COL19A1: variants seen among roughly 807,000 people sequenced by gnomAD.
COL19A1 encodes the protein collagen alpha-1(XIX) chain.
Under a neutral mutation model 190.2 loss-of-function variants are expected in COL19A1, and 159 were observed. The ratio of observed to expected loss-of-function variants is 0.84; its 90% CI spans 0.73 to 0.95. The LOEUF (loss-of-function observed/expected upper bound fraction) is 0.95. Among genes scored for constraint, COL19A1 ranks in the 40% least tolerant of loss-of-function variants. The probability of loss-of-function intolerance (pLI) is 0.00; values close to 1 mark genes in which losing one functional copy is unlikely to be tolerated. For synonymous variants in COL19A1, 509 were observed against 458.9 expected (o/e 1.11, Z -1.39); for missense variants, 1,418 against 1,431.9 (o/e 0.99, Z 0.16).
chr6:70,146,822 G>A lies in COL19A1; in HGVS notation c.1826G>A (p.Gly609Glu). The A allele has an allele frequency of 6.3e-7, 1 of 1,597,442 alleles. No individual in the cohort carries two copies. The highest frequency in any genetic ancestry group is 8.5e-7 in the Non-Finnish European group (1 of 1,173,330). The change falls in exon 27 of 51, where the codon GGA becomes GAA. Residue 609 changes from glycine to glutamate, a missense_variant. By Grantham distance (98) the Gly-to-Glu change is moderately conservative. Coordinates refer to ENST00000620364, the MANE Select transcript of COL19A1 (RefSeq NM_001858.6). ...CCTTTCATTTCACAGGGTGAAAGAG[G>A]ACTTCCAGGTGTTCACGGTTCCCCA... is the stretch of plus-strand genomic sequence containing the variant. ...PGPRGPKGER[G>E]LPGVHGSPGD...
chr6:70,080,353 G>A (rs1296813664), intron 15 of COL19A1, among the ~76,000 whole-genome samples: 11 of 152,154 alleles, frequency 7.2e-5, no homozygotes, highest in Non-Finnish European at 1.5e-4. Flanking sequence ...CAGGCCTTGG[G>A]ATAAGAAAAA....
chr6:69,935,803 T>C (rs80263635), intron 7 of COL19A1, among the ~76,000 whole-genome samples: 2 of 152,190 alleles, frequency 1.3e-5, no homozygotes, highest in Non-Finnish European at 2.9e-5. Flanking sequence ...TGTGCCATGA[T>C]GGTTTCCTGC....
At chr6:69,922,160 A>G (rs1216412998) in intron 4 of COL19A1, among the ~76,000 whole-genome samples, 1 of 152,008 alleles carries the variant, frequency 6.6e-6, no homozygotes, top group Non-Finnish European at 1.5e-5. Context: ...TTTTATTTTT[A>G]AAATGCAGAA....
chr6:70,190,583 C>G (rs1181240892), intron 48 of COL19A1, among the ~76,000 whole-genome samples: 3 of 152,204 alleles, frequency 2.0e-5, no homozygotes, highest in African/African-American at 7.2e-5. Flanking sequence ...AACTTCCTTT[C>G]ATTATACCTG....
At chr6:70,094,138 A>G (rs150377876) in intron 15 of COL19A1, among the ~76,000 whole-genome samples, 19 of 152,312 alleles carry the variant, frequency 1.2e-4, no homozygotes, top group Middle Eastern at 3.4e-3. Flanking sequence ...TACTTAACAT[A>G]TTATGTCTTC....
intron 31 of COL19A1, among the ~76,000 whole-genome samples, 178 bp downstream of exon 31, chr6:70,151,616 C>T (rs1787061446): frequency 6.6e-6 from 1 of 152,054 alleles, no homozygotes; most frequent in African/African-American, 2.4e-5. Context: ...GCCATTTATC[C>T]TAATTCTTTC....
At chr6:70,172,649 C>T (rs1765565046) in intron 41 of COL19A1, among the ~76,000 whole-genome samples, 1 of 152,134 alleles carries the variant, frequency 6.6e-6, no homozygotes, top group African/African-American at 2.4e-5. Context: ...CTAAAATTGT[C>T]TAGCAAGCAT....
At chr6:70,115,000 A>G (rs547359708) in intron 16 of COL19A1, among the ~76,000 whole-genome samples, 1 of 152,180 alleles carries the variant, frequency 6.6e-6, no homozygotes, top group Non-Finnish European at 1.5e-5. Flanking sequence ...AGTCCCCACC[A>G]CTTACAATCC....
At chr6:70,067,690 C>T (rs1023585910) in intron 14 of COL19A1, among the ~76,000 whole-genome samples, 3 of 151,902 alleles carry the variant, frequency 2.0e-5, no homozygotes, top group African/African-American at 7.3e-5. Context: ...AAAAATCTCC[C>T]GCATTTAATG....
intron 2 of COL19A1, among the ~76,000 whole-genome samples, chr6:69,885,186 C>G (rs1413333991): frequency 6.6e-6 from 1 of 152,060 alleles, no homozygotes; most frequent in East Asian, 1.9e-4. Flanking sequence ...TTCAGTACCC[C>G]CCACCACCTC....
chr6:70,161,780 A>G (rs549984235), intron 34 of COL19A1, 120 bp from the exon 35 acceptor site: 1 of 615,808 alleles, frequency 1.6e-6, no homozygotes, highest in African/African-American at 1.9e-5. Flanking sequence ...TATGACAAAC[A>G]TTATGTTTCT....
rs79232306 is a variant in COL19A1, at chr6:69,949,204, C to T, written c.937-10792C>T. Among the ~76,000 whole-genome samples the T allele has an allele frequency of 4.1e-4, 62 of 151,878 alleles. 2 individuals carry two copies. The East Asian group carries it at 0.01, about 25-fold the overall frequency. On this transcript the variant is annotated intron_variant, in intron 9 of 50. Coordinates refer to ENST00000620364, the MANE Select transcript of COL19A1 (RefSeq NM_001858.6). ...CAGATTACGTTTAACTCTTGGTTCCCGGATTCACACATCATCAGAGACCGT... is the reference window on the plus strand; with the variant it reads ...CAGATTACGTTTAACTCTTGGTTCCTGGATTCACACATCATCAGAGACCGT...
intron 4 of COL19A1, among the ~76,000 whole-genome samples, chr6:69,907,611 A>G (rs1770649212): frequency 1.3e-5 from 2 of 152,142 alleles, no homozygotes; most frequent in Admixed American, 6.6e-5. Context: ...ATATTTTCCA[A>G]TATCTTCTGT....
intron 14 of COL19A1, among the ~76,000 whole-genome samples, chr6:70,052,529 T>C (rs1197791442): frequency 3.3e-5 from 5 of 152,246 alleles, no homozygotes; most frequent in Admixed American, 3.3e-4. Flanking sequence ...AGTATCTTTT[T>C]TTCTGGTGTT....
In COL19A1 at chr6:70,087,552, C is replaced by G. The variant is rs535861586; in HGVS notation, c.1225-14617C>G. On this transcript the variant is annotated intron_variant, in intron 15 of 50. Coordinates refer to ENST00000620364, the MANE Select transcript of COL19A1 (RefSeq NM_001858.6). ...AAAGGCAGAGCACAGCCTTGCAGGT[C>G]ATTCATTATAAGGAGTTCAGCTTTT... 2.6e-5 allele frequency among the ~76,000 whole-genome samples: 4 copies of G among 152,216 alleles called. No individual in the cohort carries two copies. The South Asian group carries it at 8.3e-4, about 32-fold the overall frequency.
intron 9 of COL19A1, among the ~76,000 whole-genome samples, chr6:69,948,741 T>G (rs1259746169): frequency 6.6e-6 from 1 of 151,824 alleles, no homozygotes; most frequent in Non-Finnish European, 1.5e-5. Flanking sequence ...ACTAAAAATT[T>G]TGTTTCTTTT....
At chr6:70,155,896 A>G (rs1382038953) in intron 31 of COL19A1, among the ~76,000 whole-genome samples, 1 of 152,158 alleles carries the variant, frequency 6.6e-6, no homozygotes, top group Non-Finnish European at 1.5e-5. Flanking sequence ...TGTTTTAAAA[A>G]TAAAAGTTCA....
In COL19A1 at chr6:70,207,416, G is replaced by A. The variant is rs951703191; in HGVS notation, c.*142G>A. ...AGTAAGCCAGGCATTAAAAGCAACC[G>A]TTTGAATCCTATTCCTATAGCAATT... On this transcript the variant is annotated 3_prime_UTR_variant, in exon 51 of 51. Coordinates refer to ENST00000620364, the MANE Select transcript of COL19A1 (RefSeq NM_001858.6). 3.2e-5 allele frequency: 24 copies of A among 739,984 alleles called. No homozygotes were observed. Among genetic ancestry groups the A allele is most frequent in the African/African-American group, 1.9e-4 (9 of 48,188 alleles). 45.8% of individuals were successfully genotyped at this position (739,984 alleles called of 1,614,324 possible).
intron 16 of COL19A1, among the ~76,000 whole-genome samples, chr6:70,113,589 G>A (rs11756448): frequency 0.016 from 2,494 of 151,962 alleles, 99 homozygotes; most frequent in East Asian, 0.15. Flanking sequence ...TCTTATAAGC[G>A]CGAAGGCTCC....
Sources: allele counts gnomAD v4.1 joint callset (sites outside exome capture counted in the v4.1 genomes callset), GRCh38; gene constraint gnomAD v4.1.1; transcripts MANE v1.5; gene names NCBI Gene and HGNC (gene_info 2026-07-23, HGNC 2026-07-21).